The following KCNJ6 variants were observed in gnomAD, a reference collection of about 807,000 sequenced individuals.
The protein encoded by KCNJ6 is potassium inwardly rectifying channel subfamily J member 6, also known as G protein-activated inward rectifier potassium channel 2.
Under a neutral mutation model 34.2 loss-of-function variants are expected in KCNJ6, and 9 were observed. The ratio of observed to expected loss-of-function variants is 0.26; its 90% CI spans 0.16 to 0.46. The LOEUF is 0.46. KCNJ6 is among the 20% of genes least tolerant of loss of function. The pLI is 1.00. For synonymous variants in KCNJ6, 196 were observed against 207.1 expected (o/e 0.95, Z 0.46); for missense variants, 236 against 531.3 (o/e 0.44, Z 5.46).
intron 3 of KCNJ6, among the ~76,000 whole-genome samples, chr21:37,664,806 T>G (rs2054506346): frequency 6.8e-6 from 1 of 147,406 alleles, no homozygotes; most frequent in Non-Finnish European, 1.5e-5. Context: ...TTTTTTTTTT[T>G]TTTTTTTTGA....
chr21:37,838,298 T>C (rs1402760914), intron 2 of KCNJ6, among the ~76,000 whole-genome samples: 1 of 152,134 alleles, frequency 6.6e-6, no homozygotes, highest in Non-Finnish European at 1.5e-5. Context: ...TGGAAACCAA[T>C]ATAGATGGAA....
chr21:37,733,051 AC>A (rs919662347), intron 2 of KCNJ6, among the ~76,000 whole-genome samples: 113 of 152,244 alleles, frequency 7.4e-4, no homozygotes, highest in Admixed American at 6.4e-3. Context: ...TCTTGACTTC[AC>A]CTTTAATGCA....
intron 2 of KCNJ6, among the ~76,000 whole-genome samples, chr21:37,791,050 C>T (rs1391309920): frequency 2.0e-5 from 3 of 152,190 alleles, no homozygotes; most frequent in Admixed American, 1.3e-4. Flanking sequence ...TCCAGCTGGG[C>T]GCTTCATCCC....
intron 2 of KCNJ6, among the ~76,000 whole-genome samples, chr21:37,718,295 A>C (rs182447509): frequency 1.5e-4 from 23 of 152,320 alleles, no homozygotes; most frequent in Middle Eastern, 3.4e-3. Flanking sequence ...CCAGAAAAGC[A>C]ATGATTGTGT....
At chr21:37,715,713 C>A (rs2054786904) in intron 2 of KCNJ6, among the ~76,000 whole-genome samples, 1 of 152,114 alleles carries the variant, frequency 6.6e-6, no homozygotes, top group Non-Finnish European at 1.5e-5. Context: ...GACTGGTATC[C>A]TTATGCGAAG....
At chr21:37,738,699 A>G (rs1019971517) in intron 2 of KCNJ6, among the ~76,000 whole-genome samples, 2 of 152,200 alleles carry the variant, frequency 1.3e-5, no homozygotes, top group African/African-American at 2.4e-5. Context: ...CTGAGCCCCA[A>G]GAAATGTTCT....
intron 1 of KCNJ6, among the ~76,000 whole-genome samples, chr21:37,907,933 C>T (rs970316537): frequency 1.3e-5 from 2 of 152,144 alleles, no homozygotes; most frequent in African/African-American, 4.8e-5. Flanking sequence ...TAAATCCTGT[C>T]CTCAAAAACA....
At chr21:37,848,238 C>T (rs1036442541) in intron 1 of KCNJ6, among the ~76,000 whole-genome samples, 2 of 152,164 alleles carry the variant, frequency 1.3e-5, no homozygotes, top group African/African-American at 4.8e-5. Context: ...AATGAGTGTG[C>T]TCTCCTGTGA....
At chr21:37,803,019 C>G (rs550279603) in intron 2 of KCNJ6, among the ~76,000 whole-genome samples, 24 of 152,328 alleles carry the variant, frequency 1.6e-4, no homozygotes, top group Admixed American at 5.9e-4. Context: ...GGCTTTCCGA[C>G]CTGGCATGGA....
chr21:37,837,774 G>T lies in KCNJ6; in HGVS notation c.25+2884C>A, dbSNP rs570251199. ...TATGTTCCCATCAATTTTATTGTGT[G>T]GTAATTATATGTTAATTCTTTGCTC... On this transcript the variant is annotated intron_variant, in intron 2 of 3. Transcript: ENST00000609713. Among the ~76,000 whole-genome samples the T allele has an allele frequency of 2.0e-5, 3 of 151,160 alleles. No individual in the cohort carries two copies. In the South Asian group the frequency reaches 6.3e-4, roughly 32 times the overall value.
intron 2 of KCNJ6, among the ~76,000 whole-genome samples, chr21:37,789,005 G>A (rs2055204799): frequency 6.6e-6 from 1 of 152,160 alleles, no homozygotes; most frequent in Admixed American, 6.5e-5. Context: ...TCTTCTGGAA[G>A]TTTATTATTT....
chr21:37,776,610 G>A (rs1386069570), intron 2 of KCNJ6, among the ~76,000 whole-genome samples: 5 of 152,156 alleles, frequency 3.3e-5, no homozygotes, highest in East Asian at 1.9e-4. Flanking sequence ...AGATAATCAC[G>A]TGGTTTTTGT....
intron 2 of KCNJ6, among the ~76,000 whole-genome samples, chr21:37,803,042 T>C (rs746236538): frequency 1.1e-4 from 17 of 152,226 alleles, no homozygotes; most frequent in Non-Finnish European, 4.4e-5. Flanking sequence ...TTGAAGACCA[T>C]TATAGGCTGG....
intron 1 of KCNJ6, among the ~76,000 whole-genome samples, chr21:37,903,879 G>C (rs1205437799): frequency 6.6e-6 from 1 of 152,186 alleles, no homozygotes; most frequent in African/African-American, 2.4e-5. Context: ...CCCAGGGTCT[G>C]TCTTTAGTGC....
chr21:37,788,052 C>T (rs1216036032), intron 2 of KCNJ6, among the ~76,000 whole-genome samples: 1 of 152,144 alleles, frequency 6.6e-6, no homozygotes, highest in Non-Finnish European at 1.5e-5. Context: ...GTGCAAAAAC[C>T]AGAATTTGAG....
At chr21:37,773,967 A>G (rs1202660209) in intron 2 of KCNJ6, among the ~76,000 whole-genome samples, 27 of 152,106 alleles carry the variant, frequency 1.8e-4, no homozygotes, top group Non-Finnish European at 3.8e-4. Context: ...TCATGTGATG[A>G]TTTCCAAAAC....
At chr21:37,661,362 T>G (rs924958495) in intron 3 of KCNJ6, among the ~76,000 whole-genome samples, 9 of 152,190 alleles carry the variant, frequency 5.9e-5, no homozygotes, top group African/African-American at 1.9e-4. Flanking sequence ...TTTCCATGAT[T>G]AATCAGCACG....
intron 3 of KCNJ6, among the ~76,000 whole-genome samples, chr21:37,656,458 T>G (rs1318672548): frequency 6.6e-6 from 1 of 152,032 alleles, no homozygotes; most frequent in Non-Finnish European, 1.5e-5. Flanking sequence ...GTTTGTGGGG[T>G]AGACGATGAG....
intron 3 of KCNJ6, among the ~76,000 whole-genome samples, chr21:37,685,270 G>C (rs569639476): frequency 1.3e-5 from 2 of 152,052 alleles, no homozygotes; most frequent in African/African-American, 4.8e-5. Flanking sequence ...AGACAAAGGC[G>C]TGCCTGTCTC....
Sources: gnomAD v4.1 joint callset for allele counts (sites outside exome capture counted in the v4.1 genomes callset) on GRCh38, gnomAD v4.1.1 for gene constraint, MANE v1.5 for transcripts, NCBI Gene and HGNC (gene_info 2026-07-23, HGNC 2026-07-21) for gene names.